Variants in TMCC2 observed in about 807,000 individuals in gnomAD.
The protein encoded by TMCC2 is transmembrane and coiled-coil domain family 2, also known as transmembrane and coiled-coil domains protein 2.
TMCC2 carries 16 observed loss-of-function variants against 49.4 expected under a neutral mutation model. The ratio of observed to expected loss-of-function variants is 0.32; its 90% confidence interval spans 0.22 to 0.49. TMCC2 has a LOEUF of 0.49. TMCC2 is among the 20% of genes least tolerant of loss of function. The pLI, the probability that TMCC2 is intolerant of heterozygous loss-of-function variation, is 0.99. For synonymous variants in TMCC2, 397 were observed against 434.1 expected (o/e 0.91, Z 1.06); for missense variants, 762 against 989.8 (o/e 0.77, Z 3.09).
At chr1:205,266,016 C>CTA (rs1661307884) in intron 2 of TMCC2, among the ~76,000 whole-genome samples, 2 of 140,270 alleles carry the variant, frequency 1.4e-5, no homozygotes, top group Admixed American at 7.0e-5. Context: ...CTGAGGCGGG[C>CTA]GGATCATGAG....
chr1:205,229,545 C>CGGGGGGGGGGGGGGGGG (rs1241476015), intron 1 of TMCC2: 1 of 283,978 alleles, frequency 3.5e-6, no homozygotes, highest in Non-Finnish European at 3.9e-6. Context: ...TGTGAAGGGG[C>CGGGGGGGGGGGGGGGGG]GGGGGGGGGG....
intron 2 of TMCC2, among the ~76,000 whole-genome samples, chr1:205,265,904 A>G (rs1452980831): frequency 6.6e-6 from 1 of 151,552 alleles, no homozygotes; most frequent in Non-Finnish European, 1.5e-5. Flanking sequence ...AAGACAGTGA[A>G]AGAGAGCTGG....
intron 2 of TMCC2, among the ~76,000 whole-genome samples, chr1:205,250,724 A>AG (rs1424514906): frequency 6.6e-6 from 1 of 152,142 alleles, no homozygotes; most frequent in Non-Finnish European, 1.5e-5. Flanking sequence ...GTGGGAGACA[A>AG]GCTGTCTGTC....
At position 205,269,218 on chromosome 1, in the gene TMCC2, A is replaced by G. The variant is rs1491003598; in HGVS notation, c.1016A>G (p.Lys339Arg). The G allele has an allele frequency of 6.2e-7, 1 of 1,614,088 alleles. No homozygotes were observed. The change falls in exon 3 of 5, where the codon AAG becomes AGG. Residue 339 changes from lysine to arginine, a missense_variant. Around this residue, in one of 2 missense-constraint regions of TMCC2, gnomAD observed 440 missense variants for 636.7 expected, o/e 0.69. Transcript: ENST00000358024. The stretch of plus-strand genomic sequence containing the variant: ...CGCATCAAGCAAGTGTTCGAGAAGA[A>G]GAACCAGAAGTCAGCCCAGACCATC... ...VSRIKQVFEK[K>R]NQKSAQTIAQ...
intron 2 of TMCC2, among the ~76,000 whole-genome samples, chr1:205,254,440 C>G (rs1660782717): frequency 6.6e-6 from 1 of 152,188 alleles, no homozygotes; most frequent in African/African-American, 2.4e-5. Flanking sequence ...TTCCCCACCC[C>G]CACCACAGGA....
At chr1:205,228,998 C>T (rs1212440033) in intron 1 of TMCC2, 4 of 1,353,832 alleles carry the variant, frequency 3.0e-6, no homozygotes, top group Non-Finnish European at 3.8e-6. Flanking sequence ...ATTCAGCAAG[C>T]GTTTTAGTGA....
chr1:205,262,321 T>A (rs1417690249), intron 2 of TMCC2, among the ~76,000 whole-genome samples: 1 of 152,196 alleles, frequency 6.6e-6, no homozygotes, highest in South Asian at 2.1e-4. Context: ...GCTGGAATCT[T>A]GACCCTGGGG....
chr1:205,236,770 CAG>C (rs1024474916), intron 1 of TMCC2: 2 of 152,326 alleles, frequency 1.3e-5, no homozygotes. Flanking sequence ...CTGGTGTGAT[CAG>C]AGAGGGCTTT....
At chr1:205,262,227 T>C (rs1216503797) in intron 2 of TMCC2, among the ~76,000 whole-genome samples, 1 of 152,124 alleles carries the variant, frequency 6.6e-6, no homozygotes, top group Admixed American at 6.5e-5. Context: ...TGTTCTGTGA[T>C]TGGAGACCCA....
chr1:205,251,982 T>G (rs2102569672), intron 2 of TMCC2, among the ~76,000 whole-genome samples: 1 of 152,338 alleles, frequency 6.6e-6, no homozygotes, highest in South Asian at 2.1e-4. Context: ...TAGAGGGTGC[T>G]CTGCTTCCTA....
intron 1 of TMCC2, among the ~76,000 whole-genome samples, chr1:205,239,046 C>T (rs371920298): frequency 3.5e-4 from 54 of 152,180 alleles, no homozygotes; most frequent in African/African-American, 9.4e-4. Flanking sequence ...CCACCAGCCT[C>T]CCGGGGATAG....
intron 2 of TMCC2, among the ~76,000 whole-genome samples, chr1:205,243,229 C>T (rs1013008515): frequency 6.6e-6 from 1 of 152,080 alleles, no homozygotes; most frequent in African/African-American, 2.4e-5. Context: ...ACTAAAAGTA[C>T]AAAAATTAGC....
intron 1 of TMCC2, among the ~76,000 whole-genome samples, chr1:205,231,768 T>C (rs1051465862): frequency 6.6e-6 from 1 of 152,192 alleles, no homozygotes; most frequent in African/African-American, 2.4e-5. Flanking sequence ...CCCTACCTCA[T>C]ACCTGTGTTT....
chr1:205,238,155 C>T (rs1660128213), intron 1 of TMCC2, among the ~76,000 whole-genome samples: 3 of 152,136 alleles, frequency 2.0e-5, no homozygotes, highest in South Asian at 4.1e-4. Context: ...CTTTCTGCTG[C>T]GTTGGCGGCT....
intron 1 of TMCC2, among the ~76,000 whole-genome samples, chr1:205,232,997 A>AGG (rs1659868381): frequency 6.7e-6 from 1 of 149,146 alleles, no homozygotes; most frequent in Admixed American, 6.7e-5. Context: ...AACAACCGAA[A>AGG]AAAAAAAAAA....
At chr1:205,230,064 T>A in intron 1 of TMCC2, 7 of 985,432 alleles carry the variant, frequency 7.1e-6, no homozygotes, top group Non-Finnish European at 8.4e-6. Flanking sequence ...TTGCATTTAA[T>A]AAAGCCTATA....
Position 205,241,840 on chromosome 1 carries a change from G to T in TMCC2, c.543G>T (p.Arg181=), listed in dbSNP as rs575020710. ...SGGGSSGSSS[R]RTKSSSLEPQ... ...GCGGCAGCAGCGGGAGCAGCAGCCG[G>T]CGCACCAAGAGTAGCTCCCTGGAGC... is the stretch of plus-strand genomic sequence containing the variant. Residue 181 remains arginine (R), a synonymous_variant, in exon 2 of 5, where the codon CGG becomes CGT. Coordinates refer to ENST00000358024, the MANE Select transcript of TMCC2 (RefSeq NM_014858.4). The surrounding 1 kb of genome is among the most constrained non-coding windows in gnomAD (Gnocchi z 7.3). 6.3e-7 allele frequency: 1 copy of T among 1,599,792 alleles called. No homozygotes were observed. Among genetic ancestry groups the T allele is most frequent in the Admixed American group, 1.7e-5 (1 of 58,476 alleles).
chr1:205,252,919 G>A (rs1660722598), intron 2 of TMCC2, among the ~76,000 whole-genome samples: 2 of 151,092 alleles, frequency 1.3e-5, no homozygotes, highest in African/African-American at 2.4e-5. Context: ...CCAGAAGTTC[G>A]AGGCCAGCCT....
At position 205,269,465 on chromosome 1, in the gene TMCC2, G is replaced by A. The variant is rs377465729; in HGVS notation, c.1263G>A (p.Val421=). The part of the protein sequence containing the change: ...SGLSQATHTA[V]VSKPREFASL... ...TCTCACAGGCCACCCACACCGCCGT[G>A]GTGTCCAAGCCCCGGGAGTTTGCCA... Residue 421 remains valine (V), a synonymous_variant, in exon 3 of 5, where the codon GTG becomes GTA. Transcript: ENST00000358024. The A allele has an allele frequency of 6.2e-6, 10 of 1,607,446 alleles. No individual in the cohort carries two copies. The African/African-American group carries it at 1.3e-4, about 21-fold the overall frequency.
Sources: gnomAD v4.1 joint callset for allele counts (sites outside exome capture counted in the v4.1 genomes callset) on GRCh38, gnomAD v4.1.1 for gene constraint, gnomAD v4.1.1 regional missense constraint, Gnocchi (gnomAD v3.1) non-coding constraint, MANE v1.5 for transcripts, NCBI Gene and HGNC (gene_info 2026-07-23, HGNC 2026-07-21) for gene names.